Variants in NPR3 observed in about 807,000 individuals in gnomAD.
NPR3 encodes atrial natriuretic peptide receptor 3.
In NPR3, 34 loss-of-function variants were observed where a neutral mutation model predicts 54.5. The observed-to-expected ratio is 0.62, with a 90% CI of 0.47 to 0.83. The LOEUF (loss-of-function observed/expected upper bound fraction) is 0.83, where lower values mean the gene tolerates loss of function less well. Among genes scored for constraint, NPR3 ranks in the 40% least tolerant of loss-of-function variants. NPR3 has a pLI of 0.00. For synonymous variants in NPR3, 289 were observed against 297.1 expected (o/e 0.97, Z 0.28); for missense variants, 674 against 720.8 (o/e 0.94, Z 0.74).
intron 3 of NPR3, among the ~76,000 whole-genome samples, chr5:32,747,757 ATTT>A (rs34349060): frequency 2.9e-5 from 4 of 135,868 alleles, no homozygotes; most frequent in Admixed American, 1.5e-4. Context: ...GGAGGCATGC[ATTT>A]TTTTTTTTTT....
intron 3 of NPR3, among the ~76,000 whole-genome samples, chr5:32,768,050 T>C (rs921148079): frequency 6.6e-6 from 1 of 152,208 alleles, no homozygotes; most frequent in East Asian, 1.9e-4. Flanking sequence ...GTGGGATGCC[T>C]GCTCCTGATC....
intron 1 of NPR3, among the ~76,000 whole-genome samples, chr5:32,717,951 A>T (rs192050167): frequency 8.5e-5 from 13 of 152,278 alleles, no homozygotes; most frequent in African/African-American, 2.9e-4. Flanking sequence ...CCTGAAAGGT[A>T]TTGCCTAAGT....
chr5:32,726,974 T>A (rs537867315), intron 2 of NPR3, among the ~76,000 whole-genome samples: 1 of 152,242 alleles, frequency 6.6e-6, no homozygotes, highest in South Asian at 2.1e-4. Flanking sequence ...TCAATATTGA[T>A]GTTGTTCCCA....
chr5:32,739,002 A>G lies in NPR3; in HGVS notation c.1031A>G (p.Glu344Gly), dbSNP rs771796589. 3.7e-6 allele frequency: 6 copies of G among 1,613,946 alleles called. No individual in the cohort carries two copies. The South Asian group carries it at 6.6e-5, about 18-fold the overall frequency. Residue 344 changes from glutamate to glycine, a missense_variant, in exon 3 of 8, where the codon GAG (glutamate) becomes GGG (glycine). By Grantham distance (98) the Glu-to-Gly change is moderately conservative. Coordinates refer to ENST00000265074, the MANE Select transcript of NPR3 (RefSeq NM_001204375.2). ...KFSMEVKSSV[E>G]KQGLNMEDYV... The stretch of plus-strand genomic sequence containing the variant: ...TCCATGGAGGTGAAAAGTTCAGTTG[A>G]GAAACAAGGGCTCAATATGGAGGAT...
chr5:32,763,476 AT>A lies in NPR3; in HGVS notation c.1060-11213del, dbSNP rs34351463. On this transcript the variant is annotated intron_variant, in intron 3 of 7. Coordinates refer to ENST00000265074, the MANE Select transcript of NPR3 (RefSeq NM_001204375.2). The stretch of plus-strand genomic sequence containing the variant: ...TAGCAATGGCCACCTCGCTCAGCTA[AT>A]TTTTTTTTTTTTTTTTTTAAGAGTC... 8.9e-3 allele frequency among the ~76,000 whole-genome samples: 1,188 copies of A among 133,790 alleles called. 5 individuals carry two copies. The highest frequency in any genetic ancestry group is 0.018 in the African/African-American group (649 of 35,824). The allele number at this position is 133,790 out of a possible 152,430, so 87.8% of individuals were successfully genotyped here.
chr5:32,784,962 T>A, intron 7 of NPR3, 79 bp downstream of exon 7: 1 of 1,152,264 alleles, frequency 8.7e-7, no homozygotes, highest in South Asian at 1.3e-5. Context: ...CTCTTTGTGA[T>A]TTGTCCACAT....
intron 3 of NPR3, among the ~76,000 whole-genome samples, chr5:32,768,820 C>G (rs1206197787): frequency 6.6e-6 from 1 of 152,144 alleles, no homozygotes; most frequent in Non-Finnish European, 1.5e-5. Context: ...AAACTTAGGT[C>G]AGATCCCACC....
upstream of NPR3, chr5:32,709,409 C>CT (rs372885729): frequency 0.042 from 5,617 of 132,362 alleles, 165 homozygotes; most frequent in African/African-American, 0.095. Flanking sequence ...TGTTCTTTTT[C>CT]TTTTTTTTTT....
Position 32,711,922 on chromosome 5 carries a change from C to G in NPR3, c.146C>G (p.Pro49Arg), listed in dbSNP as rs1738264446. ...GGACGCCAGGAGAGAGAGGCGCTGCCGCCACAGAAGATCGAGGTGCTGGTG... is the reference window on the plus strand; with the variant it reads ...GGACGCCAGGAGAGAGAGGCGCTGCGGCCACAGAAGATCGAGGTGCTGGTG... ...GGGRQEREAL[P>R]PQKIEVLVLL... Residue 49 changes from proline to arginine, a missense_variant, in exon 1 of 8, where the codon CCG (proline) becomes CGG (arginine). Pro to Arg is a moderately radical substitution (Grantham distance 103). Coordinates refer to ENST00000265074, the MANE Select transcript of NPR3 (RefSeq NM_001204375.2). The G allele has an allele frequency of 6.7e-7, 1 of 1,503,082 alleles. No homozygotes were observed. The highest frequency in any genetic ancestry group is 2.3e-5 in the Admixed American group (1 of 43,118). The allele number at this position is 1,503,082 out of a possible 1,614,324, so 93.1% of individuals were successfully genotyped here.
At chr5:32,775,058 C>A (rs544764988) in intron 4 of NPR3, among the ~76,000 whole-genome samples, 3 of 152,284 alleles carry the variant, frequency 2.0e-5, no homozygotes, top group African/African-American at 7.2e-5. Flanking sequence ...AAGGCCTTGT[C>A]TCCTGATTAT....
At chr5:32,700,228 G>T (rs1740632585) in intron 1 of NPR3, among the ~76,000 whole-genome samples, 1 of 151,956 alleles carries the variant, frequency 6.6e-6, no homozygotes, top group African/African-American at 2.4e-5. Flanking sequence ...CTTGAATATT[G>T]ATATCTTTTT....
rs1405488885 is a variant in NPR3 at position 32,786,696 on chromosome 5, TAAATG to T, written c.*357_*361del. ...ACAAGGATATAAAATGCGGTTTTCT[TAAATG>T]AAATGTTTTGTAGCTAGAATAAAAT... is the stretch of plus-strand genomic sequence containing the variant. On this transcript the variant is annotated 3_prime_UTR_variant, in exon 8 of 8. Transcript: ENST00000265074. 4.9e-6 allele frequency: 1 copy of T among 202,400 alleles called. No homozygotes were observed. Among genetic ancestry groups the T allele is most frequent in the African/African-American group, 2.4e-5 (1 of 42,410 alleles). The allele number at this position is 202,400 out of a possible 1,614,324, so 12.5% of individuals were successfully genotyped here. A position where few individuals can be genotyped will look rare whatever the true frequency, so the allele number is the denominator to read the frequency against.
chr5:32,705,301 T>C (rs192337902), upstream of NPR3, among the ~76,000 whole-genome samples: 1 of 152,246 alleles, frequency 6.6e-6, no homozygotes, highest in Non-Finnish European at 1.5e-5. Context: ...CATCAAGTTT[T>C]GAGAAAAAAC....
chr5:32,714,532 T>C (rs1322973563), intron 1 of NPR3, among the ~76,000 whole-genome samples: 2 of 151,840 alleles, frequency 1.3e-5, no homozygotes, highest in Non-Finnish European at 2.9e-5. Flanking sequence ...CAAGTTTGCA[T>C]TGAGGGGTGA....
intron 1 of NPR3, among the ~76,000 whole-genome samples, chr5:32,723,606 C>T (rs1038874914): frequency 6.6e-6 from 1 of 152,126 alleles, no homozygotes; most frequent in African/African-American, 2.4e-5. Flanking sequence ...ATTTACCATG[C>T]TATTAAGTAT....
At chr5:32,770,935 T>A (rs1482027520) in intron 3 of NPR3, among the ~76,000 whole-genome samples, 1 of 152,212 alleles carries the variant, frequency 6.6e-6, no homozygotes, top group Non-Finnish European at 1.5e-5. Context: ...AGTCAGGACT[T>A]GGACTTTGAG....
rs568944478 is a variant in NPR3 at position 32,764,788 on chromosome 5, C to CAAAAAAAAAAAAAAAAAAA, written c.1060-9910_1060-9892dup. Among the ~76,000 whole-genome samples the CAAAAAAAAAAAAAAAAAAA allele has an allele frequency of 2.5e-4, 9 of 36,498 alleles. 1 individual carries two copies. The highest frequency in any genetic ancestry group is 7.8e-4 in the African/African-American group (8 of 10,300). The allele number at this position is 36,498 out of a possible 152,430, so 23.9% of individuals were successfully genotyped here. A position where few individuals can be genotyped will look rare whatever the true frequency, so the allele number is the denominator to read the frequency against. On this transcript the variant is annotated intron_variant, in intron 3 of 7. Coordinates refer to ENST00000265074, the MANE Select transcript of NPR3 (RefSeq NM_001204375.2). ...GGGTGACAAGAGTGAGGGTCCATCT[C>CAAAAAAAAAAAAAAAAAAA]AAAAAAAAAAAAAAAAAAAAAAAAA...
chr5:32,746,356 A>G lies in NPR3; in HGVS notation c.1059+7326A>G, dbSNP rs553482636. Among the ~76,000 whole-genome samples, 13 of 152,240 alleles carry G rather than the reference A, an allele frequency of 8.5e-5. No homozygotes were observed. In the South Asian group the frequency reaches 2.5e-3, roughly 29 times the overall value. ...GTCAGCATCCATCATCTGATTCTTA[A>G]TGGGGGTCAGTGTAGCAAAAAGTAG... On this transcript the variant is annotated intron_variant, in intron 3 of 7. Coordinates refer to ENST00000265074, the MANE Select transcript of NPR3 (RefSeq NM_001204375.2).
intron 1 of NPR3, among the ~76,000 whole-genome samples, chr5:32,700,017 C>T (rs983813401): frequency 1.2e-4 from 19 of 152,162 alleles, no homozygotes; most frequent in Non-Finnish European, 2.2e-4. Context: ...ATATGTTGGG[C>T]TACTCTCTCC....
Sources: gnomAD v4.1 joint callset for allele counts (sites outside exome capture counted in the v4.1 genomes callset) on GRCh38, gnomAD v4.1.1 for gene constraint, MANE v1.5 for transcripts, NCBI Gene and HGNC (gene_info 2026-07-23, HGNC 2026-07-21) for gene names.